Variants in RAP1GAP2 observed in about 807,000 individuals in gnomAD.
RAP1GAP2 encodes the protein rap1 GTPase-activating protein 2.
Under a neutral mutation model 95.0 loss-of-function variants are expected in RAP1GAP2, and 27 were observed. That is an observed-to-expected ratio of 0.28 (90% CI 0.21 to 0.39). RAP1GAP2 has a LOEUF of 0.39. Among genes scored for constraint, RAP1GAP2 ranks in the 10% least tolerant of loss-of-function variants. The pLI is 1.00. For synonymous variants in RAP1GAP2, 373 were observed against 380.9 expected, an observed-to-expected ratio of 0.98 and a Z score of 0.24; for missense variants, 771 against 970.0, an observed-to-expected ratio of 0.79 and a Z score of 2.72.
Position 2,783,796 on chromosome 17 carries a change from C to T in RAP1GAP2, c.-14+6518C>T, listed in dbSNP as rs151314108. On this transcript the variant is annotated intron_variant, in intron 1 of 24. Coordinates refer to the RAP1GAP2 transcript ENST00000540393. Reference sequence around the variant, plus strand: ...GGCTGAAGCCATCTGAAGGCTTAGTCGCTCACACGTCTGGCGTTTCTTGCT... The same window carrying T: ...GGCTGAAGCCATCTGAAGGCTTAGTTGCTCACACGTCTGGCGTTTCTTGCT... Among the ~76,000 whole-genome samples the T allele has an allele frequency of 5.8e-4, 89 of 152,272 alleles. 1 individual carries two copies. The East Asian group carries it at 0.014, about 25-fold the overall frequency.
At chr17:2,848,700 G>C (rs1411009449) in intron 2 of RAP1GAP2, among the ~76,000 whole-genome samples, 1 of 152,068 alleles carries the variant, frequency 6.6e-6, no homozygotes, top group Non-Finnish European at 1.5e-5. Context: ...TTTTAGTAGA[G>C]ACGGGGTTTC....
intron 2 of RAP1GAP2, among the ~76,000 whole-genome samples, chr17:2,898,314 C>A (rs1238009659): frequency 6.6e-6 from 1 of 152,146 alleles, no homozygotes; most frequent in African/African-American, 2.4e-5. Flanking sequence ...CGAGGTCAGC[C>A]CTGCCAGGTA....
At chr17:2,772,240 T>A (rs1461295686), upstream of RAP1GAP2, among the ~76,000 whole-genome samples, 5 of 152,118 alleles carry the variant, frequency 3.3e-5, no homozygotes, top group African/African-American at 7.2e-5. Context: ...CACCCACCTG[T>A]GCCTACCAAA....
intron 1 of RAP1GAP2, among the ~76,000 whole-genome samples, chr17:2,781,882 G>T (rs1002120207): frequency 2.6e-5 from 4 of 151,908 alleles, no homozygotes; most frequent in Non-Finnish European, 5.9e-5. Flanking sequence ...GCACGTCTCT[G>T]TGTGTGCACG....
chr17:3,003,788 G>T lies in RAP1GAP2; in HGVS notation c.1201-1581G>T, dbSNP rs1485844816. ...GTGACCCAGATGTCCCCAAGAGGGG[G>T]GAACAACAAAGGCCTGGCCGCCTGG... is the stretch of plus-strand genomic sequence containing the variant. On this transcript the variant is annotated intron_variant, in intron 14 of 24. Transcript: ENST00000254695. This position sits in a 1 kb window ranked among gnomAD's most constrained non-coding sequence, Gnocchi z 4.1. Among the ~76,000 whole-genome samples, 1 of 152,232 alleles carries T rather than the reference G, an allele frequency of 6.6e-6. No homozygotes were observed. Among genetic ancestry groups the T allele is most frequent in the Non-Finnish European group, 1.5e-5 (1 of 68,046 alleles).
chr17:2,866,024 G>A lies in RAP1GAP2; in HGVS notation c.81-39260G>A, dbSNP rs1484947344. On this transcript the variant is annotated intron_variant, in intron 2 of 24. Coordinates refer to ENST00000254695, the MANE Select transcript of RAP1GAP2 (RefSeq NM_015085.5). The surrounding 1 kb of genome is among the most constrained non-coding windows in gnomAD (Gnocchi z 4.0). ...GAAGCAGAGATCAACCATGGAATGT[G>A]AATCCAAGACAGAAGAGGGAGGTGT... Among the ~76,000 whole-genome samples the A allele has an allele frequency of 6.6e-6, 1 of 152,246 alleles. No homozygotes were observed. Among genetic ancestry groups the A allele is most frequent in the Non-Finnish European group, 1.5e-5 (1 of 68,050 alleles).
chr17:2,888,271 T>C (rs1201520867), intron 2 of RAP1GAP2, among the ~76,000 whole-genome samples: 1 of 152,190 alleles, frequency 6.6e-6, no homozygotes, highest in Non-Finnish European at 1.5e-5. Context: ...TTTCTTTGTA[T>C]TGGGAACGTT....
Position 3,005,736 on chromosome 17 carries a change from G to T in RAP1GAP2, c.1273-219G>T, listed in dbSNP as rs2289647. On this transcript the variant is annotated intron_variant, in intron 15 of 24. Coordinates refer to ENST00000254695, the MANE Select transcript of RAP1GAP2 (RefSeq NM_015085.5). This position sits in a 1 kb window ranked among gnomAD's most constrained non-coding sequence, Gnocchi z 5.2. ...CCTTGGGCAGGAATGAGCTCCAGTCGTGGAAGTGCCACTGTGGCTTCCCAG... is the reference window on the plus strand; with the variant it reads ...CCTTGGGCAGGAATGAGCTCCAGTCTTGGAAGTGCCACTGTGGCTTCCCAG... Among the ~76,000 whole-genome samples the T allele has an allele frequency of 0.099, 15,091 of 152,210 alleles. 893 individuals carry two copies. Among genetic ancestry groups the T allele is most frequent in the East Asian group, 0.29 (1,499 of 5,150 alleles).
Position 2,796,755 on chromosome 17 carries a change from C to T in RAP1GAP2, c.44+184C>T, listed in dbSNP as rs1414264468. On this transcript the variant is annotated intron_variant, in intron 1 of 24. Transcript: ENST00000254695. The surrounding 1 kb of genome is among the most constrained non-coding windows in gnomAD (Gnocchi z 4.7). Reference sequence around the variant, plus strand: ...GGACATCAGAGACCGTAAGCCTTCCCCACTGTCCCTGGGCACAATCTGCTG... The same window carrying T: ...GGACATCAGAGACCGTAAGCCTTCCTCACTGTCCCTGGGCACAATCTGCTG... Among the ~76,000 whole-genome samples the T allele has an allele frequency of 6.6e-6, 1 of 152,214 alleles. No homozygotes were observed.
chr17:2,990,553 T>C (rs9902992), intron 11 of RAP1GAP2, among the ~76,000 whole-genome samples: 18,123 of 152,106 alleles, frequency 0.12, 1,848 homozygotes, highest in African/African-American at 0.27. Context: ...AGTTGCCGGA[T>C]CATATGGTGA....
intron 4 of RAP1GAP2, 58 bp downstream of exon 4, chr17:2,957,852 T>C: frequency 1.3e-6 from 2 of 1,515,568 alleles, no homozygotes; most frequent in Non-Finnish European, 1.8e-6. Context: ...GTGGGTGGCA[T>C]AGGGACCAGG....
At chr17:3,010,583 G>A (rs555214858) in intron 17 of RAP1GAP2, among the ~76,000 whole-genome samples, 100 of 152,262 alleles carry the variant, frequency 6.6e-4, no homozygotes, top group African/African-American at 2.3e-3. Flanking sequence ...CAGGTGGCAG[G>A]TATAAAGAGA....
intron 1 of RAP1GAP2, among the ~76,000 whole-genome samples, chr17:2,782,721 C>T (rs1464621635): frequency 1.3e-5 from 2 of 152,044 alleles, no homozygotes; most frequent in East Asian, 1.9e-4. Flanking sequence ...TAGGTGGGTT[C>T]GAAAACATCC....
chr17:2,758,323 G>T (rs562217313), intron 1 of RAP1GAP2, among the ~76,000 whole-genome samples: 1 of 150,556 alleles, frequency 6.6e-6, no homozygotes, highest in Non-Finnish European at 1.5e-5. Flanking sequence ...CTACAGGTGC[G>T]CACCACCACG....
rs145987953 is a variant in RAP1GAP2 at position 2,983,152 on chromosome 17, C to T, written c.730-1831C>T. 2.5e-3 allele frequency among the ~76,000 whole-genome samples: 374 copies of T among 152,338 alleles called. 2 individuals are homozygous for T. Among genetic ancestry groups the T allele is most frequent in the African/African-American group, 7.1e-3 (295 of 41,592 alleles). ...GTGTGTGGCAACCTCACACAGGCCG[C>T]AGATTCCGGCCAATAAGTCGTTCCT... On this transcript the variant is annotated intron_variant, in intron 10 of 24. Transcript: ENST00000254695.
At chr17:2,942,854 G>A (rs1376501076) in intron 3 of RAP1GAP2, among the ~76,000 whole-genome samples, 1 of 151,996 alleles carries the variant, frequency 6.6e-6, no homozygotes, top group Non-Finnish European at 1.5e-5. Context: ...TGCAACCTCC[G>A]CCTCCTGAGT....
intron 14 of RAP1GAP2, among the ~76,000 whole-genome samples, chr17:3,002,776 C>T (rs999346759): frequency 2.0e-5 from 3 of 152,170 alleles, no homozygotes; most frequent in Non-Finnish European, 4.4e-5. Flanking sequence ...GCCTCTGCTG[C>T]GTGACCTTGT....
intron 2 of RAP1GAP2, among the ~76,000 whole-genome samples, chr17:2,894,299 AG>A (rs1567751448): frequency 6.6e-6 from 1 of 152,164 alleles, no homozygotes; most frequent in Non-Finnish European, 1.5e-5. Flanking sequence ...GCATGGTGGT[AG>A]GCACCTGTAG....
At chr17:3,016,085 G>A (rs1268030898) in intron 17 of RAP1GAP2, among the ~76,000 whole-genome samples, 1 of 152,138 alleles carries the variant, frequency 6.6e-6, no homozygotes, top group Non-Finnish European at 1.5e-5. Context: ...TGGGTGACTC[G>A]TGGCTCAGTC....
Sources: allele counts gnomAD v4.1 joint callset (sites outside exome capture counted in the v4.1 genomes callset), GRCh38; gene constraint gnomAD v4.1.1; non-coding constraint Gnocchi (gnomAD v3.1); transcripts MANE v1.5; gene names NCBI Gene and HGNC (gene_info 2026-07-23, HGNC 2026-07-21).